Variants in EGFL6 observed in about 807,000 individuals in gnomAD.
The protein encoded by EGFL6 is epidermal growth factor-like protein 6.
A neutral mutation model predicts 43.1 loss-of-function variants in EGFL6; 42 were observed. The ratio of observed to expected loss-of-function variants is 0.98; its 90% CI spans 0.76 to 1.26. EGFL6 has a LOEUF of 1.26. EGFL6 is among the 50% of genes most tolerant of loss of function. The probability of loss-of-function intolerance (pLI) is 0.00; values close to 1 mark genes in which losing one functional copy is unlikely to be tolerated. For synonymous variants in EGFL6, 164 were observed against 163.2 expected (o/e 1.01, Z -0.04); for missense variants, 429 against 427.8 (o/e 1.00, Z -0.02).
chrX:13,621,822 A>G (rs190136183), intron 9 of EGFL6, among the ~76,000 whole-genome samples: 5 of 112,675 alleles, frequency 4.4e-5, no homozygotes, highest in African/African-American at 1.6e-4. Context: ...GGTGTGGATT[A>G]AACCAGAGAA....
Position 13,633,402 on chromosome X carries a change from A to G in EGFL6, c.*307A>G, listed in dbSNP as rs1219348408. 4 of 157,731 alleles carry G rather than the reference A, an allele frequency of 2.5e-5. No homozygotes were observed. Among genetic ancestry groups the G allele is most frequent in the Admixed American group, 8.3e-5 (1 of 12,070 alleles). 13.0% of individuals were successfully genotyped at this position (157,731 alleles called of 1,213,427 possible). On this transcript the variant is annotated 3_prime_UTR_variant, in exon 12 of 12. Transcript: ENST00000361306. The stretch of plus-strand genomic sequence containing the variant: ...AAGTTGATGAGCTTCTCTCTACAAC[A>G]TTTCTAGAAAATAGAAAAAAAAGCA...
chrX:13,616,056 G>T (rs1388619258), intron 7 of EGFL6, among the ~76,000 whole-genome samples: 3 of 111,585 alleles, frequency 2.7e-5, no homozygotes, highest in Non-Finnish European at 5.6e-5. Flanking sequence ...ACCCTTTCTT[G>T]CTTAGTCTTA....
At chrX:13,592,820 GAATAGCAAGC>G (rs1206665427) in intron 2 of EGFL6, among the ~76,000 whole-genome samples, 1 of 87,386 alleles carries the variant, frequency 1.1e-5, no homozygotes, top group Non-Finnish European at 2.1e-5. Flanking sequence ...TAGGTCTAGA[GAATAGCAAGC>G]AATATCTTTT....
chrX:13,633,068 A>G lies in EGFL6; in HGVS notation c.1635A>G (p.Pro545=), dbSNP rs2045822372. The change falls in exon 12 of 12, where the codon CCA becomes CCG. Residue 545 remains proline, a synonymous_variant. Transcript: ENST00000361306. Reference sequence around the variant, plus strand: ...TCTTGCTTGTTTCAGGCTTATGTCCAGATAGCCTTTTATCTGTGGATGACT... The same window carrying G: ...TCTTGCTTGTTTCAGGCTTATGTCCGGATAGCCTTTTATCTGTGGATGACT... ...DGVLLVSGLC[P]DSLLSVDD is the part of the protein sequence containing the mutation. 1 of 1,199,646 alleles carries G rather than the reference A, an allele frequency of 8.3e-7. No homozygotes were observed. Among genetic ancestry groups the G allele is most frequent in the Non-Finnish European group, 1.1e-6 (1 of 891,677 alleles).
In EGFL6 at chrX:13,606,423, C is replaced by A. The variant is rs199619027; in HGVS notation, c.565C>A (p.Arg189=). 17 of 1,209,163 alleles carry A rather than the reference C, an allele frequency of 1.4e-5. No homozygotes were observed. The highest frequency in any genetic ancestry group is 1.9e-5 in the Non-Finnish European group (17 of 894,411). ...ASGKVICPYN[R]RCVNTFGSYY... ...TGGTAAAGTCATCTGTCCCTACAAT[C>A]GAAGATGTGTGAACACATTTGGAAG... Residue 189 remains arginine (R), a synonymous_variant, in exon 6 of 12, where the codon CGA becomes AGA. Coordinates refer to ENST00000361306, the MANE Select transcript of EGFL6 (RefSeq NM_015507.4).
At chrX:13,625,616 G>A (rs2045774307) in intron 10 of EGFL6, among the ~76,000 whole-genome samples, 1 of 110,591 alleles carries the variant, frequency 9.0e-6, no homozygotes, top group Non-Finnish European at 1.9e-5. Flanking sequence ...CCCGGGAGGC[G>A]GAGGTTGCAG....
intron 3 of EGFL6, among the ~76,000 whole-genome samples, chrX:13,595,194 C>A (rs1465377026): frequency 9.3e-6 from 1 of 108,020 alleles, no homozygotes; most frequent in Non-Finnish European, 1.9e-5. Context: ...ATATTTTTTA[C>A]TTTTTTATTT....
chrX:13,581,556 A>T (rs1372788427), intron 1 of EGFL6, among the ~76,000 whole-genome samples: 1 of 112,563 alleles, frequency 8.9e-6, no homozygotes, highest in Non-Finnish European at 1.9e-5. Context: ...ATGTATTTAA[A>T]CATCGGCAAA....
At chrX:13,602,717 C>T (rs913231855) in intron 4 of EGFL6, among the ~76,000 whole-genome samples, 2 of 112,261 alleles carry the variant, frequency 1.8e-5, no homozygotes, top group Non-Finnish European at 3.8e-5. Context: ...TCTTTGGCCA[C>T]ACTGCATCAT....
chrX:13,619,578 C>T (rs1307142253), intron 9 of EGFL6, among the ~76,000 whole-genome samples: 1 of 112,152 alleles, frequency 8.9e-6, no homozygotes, highest in African/African-American at 3.2e-5. Flanking sequence ...ACCTGAAAGT[C>T]CTCATGTACT....
intron 1 of EGFL6, among the ~76,000 whole-genome samples, chrX:13,571,118 CA>C (rs2045440530): frequency 1.1e-5 from 1 of 94,643 alleles, no homozygotes; most frequent in African/African-American, 3.9e-5. Flanking sequence ...CCCCCACCAC[CA>C]CCACCACCAC....
intron 1 of EGFL6, among the ~76,000 whole-genome samples, chrX:13,584,007 T>A (rs934649880): frequency 3.6e-5 from 4 of 112,072 alleles, no homozygotes; most frequent in Admixed American, 2.8e-4. Flanking sequence ...ATAAAAGCAA[T>A]CAATTAGGGA....
rs2045453553 is a variant in EGFL6, at chrX:13,573,405, T to C, written c.74+3470T>C. On this transcript the variant is annotated intron_variant, in intron 1 of 11. Transcript: ENST00000361306. ...TACCCAAAACTAAAGAGCTGTGTGT[T>C]TCTGGGAAATAATAATCATCTAATT... is the stretch of plus-strand genomic sequence containing the variant. Among the ~76,000 whole-genome samples the C allele has an allele frequency of 3.6e-5, 4 of 112,411 alleles. No homozygotes were observed. The South Asian group carries it at 1.5e-3, about 41-fold the overall frequency.
At chrX:13,622,975 A>G (rs927524445) in intron 9 of EGFL6, among the ~76,000 whole-genome samples, 1 of 111,403 alleles carries the variant, frequency 9.0e-6, no homozygotes. Context: ...GTTTGAGCCC[A>G]GGAGTTCAAG....
In EGFL6 at chrX:13,620,457, T is replaced by C. The variant is rs767795260; in HGVS notation, c.1183+1214T>C. On this transcript the variant is annotated intron_variant, in intron 9 of 11. Coordinates refer to ENST00000361306, the MANE Select transcript of EGFL6 (RefSeq NM_015507.4). ...TTGTGCTAATTGATTCCCTTTTGTG[T>C]TTACCCTGTGAGTGCATTGCCCAGT... 2.7e-5 allele frequency among the ~76,000 whole-genome samples: 3 copies of C among 110,522 alleles called. No homozygotes were observed. The South Asian group carries it at 1.2e-3, about 43-fold the overall frequency.
intron 10 of EGFL6, 55 bp downstream of exon 10, chrX:13,623,980 C>G (rs1463000025): frequency 2.6e-5 from 25 of 956,940 alleles, no homozygotes; most frequent in Non-Finnish European, 3.6e-5. Flanking sequence ...ATAGAAAGCC[C>G]TCCATGAGTG....
At chrX:13,625,317 T>G in intron 10 of EGFL6, 1 of 111,566 alleles carries the variant, frequency 9.0e-6, no homozygotes. Context: ...GGAGGATTAC[T>G]TGAGCCCAGG....
chrX:13,579,472 A>G (rs1039377364), intron 1 of EGFL6, among the ~76,000 whole-genome samples: 1 of 111,661 alleles, frequency 9.0e-6, no homozygotes, highest in African/African-American at 3.3e-5. Context: ...TATATGTACC[A>G]TAGTATCTCT....
chrX:13,588,166 A>G (rs2045543715), intron 1 of EGFL6, among the ~76,000 whole-genome samples: 1 of 112,688 alleles, frequency 8.9e-6, no homozygotes, highest in Admixed American at 9.4e-5. Flanking sequence ...TCTCTTCAAG[A>G]AAAAGTAAAT....
Sources: gnomAD v4.1 joint callset for allele counts (sites outside exome capture counted in the v4.1 genomes callset) on GRCh38, gnomAD v4.1.1 for gene constraint, MANE v1.5 for transcripts, NCBI Gene and HGNC (gene_info 2026-07-23, HGNC 2026-07-21) for gene names.